The following KCNMA1 variants were observed in gnomAD, a reference collection of about 807,000 sequenced individuals.
The protein encoded by KCNMA1 is potassium calcium-activated channel subfamily M alpha 1.
Under a neutral mutation model 140.0 loss-of-function variants are expected in KCNMA1, and 29 were observed. The observed-to-expected ratio is 0.21, with a 90% CI of 0.15 to 0.28. KCNMA1 has a LOEUF of 0.28. Ranked by LOEUF, KCNMA1 falls within the 10% of genes least tolerant of loss-of-function variation. KCNMA1 has a pLI of 1.00. For missense variants in KCNMA1, 880 were observed against 1,602.2 expected (o/e 0.55, Z 7.70); for synonymous variants, 612 against 611.9 (o/e 1.00, Z 0.00).
intron 1 of KCNMA1, among the ~76,000 whole-genome samples, chr10:77,573,553 C>A (rs1030183551): frequency 6.6e-6 from 1 of 151,816 alleles, no homozygotes; most frequent in African/African-American, 2.4e-5. Context: ...AGGCCTCAAC[C>A]CCCTGGTTGA....
chr10:77,203,996 T>C (rs1301273361), intron 3 of KCNMA1, among the ~76,000 whole-genome samples: 9 of 151,124 alleles, frequency 6.0e-5, no homozygotes, highest in Non-Finnish European at 1.5e-5. Context: ...CTTGGGAGAC[T>C]GAGTCAGGAG....
chr10:77,373,852 G>C (rs985746727), intron 2 of KCNMA1: 1 of 152,164 alleles, frequency 6.6e-6, no homozygotes, highest in Non-Finnish European at 1.5e-5. Flanking sequence ...CTTTCAGCTT[G>C]ACCCTGAAGG....
intron 17 of KCNMA1, chr10:77,012,376 G>A: frequency 1.3e-6 from 2 of 1,512,646 alleles, no homozygotes; most frequent in Non-Finnish European, 1.8e-6. Flanking sequence ...GGGGACATGT[G>A]GGCAATGAGC....
At chr10:77,636,352 G>C in intron 1 of KCNMA1, 1 of 1,530,566 alleles carries the variant, frequency 6.5e-7, no homozygotes, top group Non-Finnish European at 8.8e-7. Flanking sequence ...GGTGTCGCCA[G>C]CCTCAGTGCC....
intron 19 of KCNMA1, among the ~76,000 whole-genome samples, chr10:76,978,763 T>C (rs1409524045): frequency 6.6e-6 from 1 of 152,170 alleles, no homozygotes; most frequent in Non-Finnish European, 1.5e-5. Flanking sequence ...ACACTGCTCC[T>C]GGCACCCTGG....
At chr10:77,304,136 G>A (rs968838157) in intron 2 of KCNMA1, among the ~76,000 whole-genome samples, 1 of 152,144 alleles carries the variant, frequency 6.6e-6, no homozygotes, top group Non-Finnish European at 1.5e-5. Context: ...CCTGCACATA[G>A]GGCCAGAAAT....
intron 23 of KCNMA1, among the ~76,000 whole-genome samples, chr10:76,920,020 GTATATATATATATATATATATATA>G (rs1169838049): frequency 2.9e-5 from 1 of 34,408 alleles, no homozygotes; most frequent in Non-Finnish European, 5.4e-5. Context: ...GTGTGTGTGT[GTATATATATATATATATATATATA>G]TATATATACA....
At chr10:77,386,115 C>T (rs1216387537) in intron 2 of KCNMA1, among the ~76,000 whole-genome samples, 1 of 152,282 alleles carries the variant, frequency 6.6e-6, no homozygotes, top group African/African-American at 2.4e-5. Context: ...TCCAGAGTGG[C>T]ACATGGGTGC....
At chr10:77,360,380 G>A (rs755421128) in intron 2 of KCNMA1, among the ~76,000 whole-genome samples, 9 of 148,474 alleles carry the variant, frequency 6.1e-5, no homozygotes, top group South Asian at 2.1e-4. Flanking sequence ...GAACTATGTC[G>A]TCTGTGAGCC....
intron 19 of KCNMA1, among the ~76,000 whole-genome samples, chr10:76,987,427 C>T (rs949834779): frequency 6.6e-6 from 1 of 152,160 alleles, no homozygotes; most frequent in African/African-American, 2.4e-5. Context: ...CAACTTTTTC[C>T]CTAAAAGGCC....
intron 2 of KCNMA1, among the ~76,000 whole-genome samples, chr10:77,264,408 T>C (rs2062857230): frequency 2.0e-5 from 3 of 152,178 alleles, no homozygotes; most frequent in African/African-American, 7.2e-5. Context: ...CTCACACTTT[T>C]GCAAACAAAA....
At chr10:77,499,422 T>TATATATATATATATATATATAC (rs1390141467) in intron 1 of KCNMA1, among the ~76,000 whole-genome samples, 2 of 105,586 alleles carry the variant, frequency 1.9e-5, no homozygotes, top group African/African-American at 6.4e-5. Flanking sequence ...TATATATATA[T>TATATATATATATATATATATAC]ACACACACAC....
intron 19 of KCNMA1, among the ~76,000 whole-genome samples, chr10:76,988,779 CAGTTTTCTA>C (rs1252886477): frequency 6.6e-6 from 1 of 152,120 alleles, no homozygotes; most frequent in Non-Finnish European, 1.5e-5. Flanking sequence ...CCTGAAGTCA[CAGTTTTCTA>C]ATGATCCCAG....
At chr10:77,521,888 C>T (rs2154550854) in intron 1 of KCNMA1, among the ~76,000 whole-genome samples, 1 of 152,152 alleles carries the variant, frequency 6.6e-6, no homozygotes, top group South Asian at 2.1e-4. Context: ...CCTAAGAGGA[C>T]TCAGGGACCA....
chr10:77,275,192 T>A (rs977447729), intron 2 of KCNMA1, among the ~76,000 whole-genome samples: 1 of 152,164 alleles, frequency 6.6e-6, no homozygotes, highest in Non-Finnish European at 1.5e-5. Flanking sequence ...TGAATATTTG[T>A]GAGGTAGGAT....
In KCNMA1 at chr10:76,977,543, C is replaced by T. The variant is rs1000256399; in HGVS notation, c.2267-7476G>A. On this transcript the variant is annotated intron_variant, in intron 19 of 27. Coordinates refer to ENST00000286628, the MANE Select transcript of KCNMA1 (RefSeq NM_001161352.2). The stretch of plus-strand genomic sequence containing the variant: ...AAGACTAAGATATTAACTCGCTGAC[C>T]TTTGACAGAGAAAGTTTGCTGACCC... The T allele has an allele frequency of 4.3e-6, 3 of 702,786 alleles. No homozygotes were observed. The African/African-American group carries it at 5.2e-5, about 12-fold the overall frequency. 43.5% of individuals were successfully genotyped at this position (702,786 alleles called of 1,614,324 possible).
chr10:77,022,193 G>T (rs1158355510), intron 16 of KCNMA1, among the ~76,000 whole-genome samples: 1 of 151,966 alleles, frequency 6.6e-6, no homozygotes, highest in Non-Finnish European at 1.5e-5. Context: ...ACTGCCAAAA[G>T]TCTCTCTCTC....
chr10:76,953,657 A>G (rs552525888), intron 21 of KCNMA1, 144 bp downstream of exon 21: 16 of 984,584 alleles, frequency 1.6e-5, no homozygotes, highest in East Asian at 1.4e-4. Context: ...TAGCTGCTTC[A>G]ATCTATGCTC....
At chr10:77,039,449 C>G in intron 15 of KCNMA1, 79 bp downstream of exon 15, 1 of 842,052 alleles carries the variant, frequency 1.2e-6, no homozygotes, top group South Asian at 1.4e-5. Context: ...CTGTACCCAG[C>G]AGAGGTGGGA....
Sources: allele counts gnomAD v4.1 joint callset (sites outside exome capture counted in the v4.1 genomes callset), GRCh38; gene constraint gnomAD v4.1.1; transcripts MANE v1.5; gene names NCBI Gene and HGNC (gene_info 2026-07-23, HGNC 2026-07-21).